The following DSCAM variants were observed in gnomAD, a reference collection of about 807,000 sequenced individuals.
The protein encoded by DSCAM is cell adhesion molecule DSCAM.
DSCAM carries 47 observed loss-of-function variants against 217.7 expected under a neutral mutation model. The ratio of observed to expected loss-of-function variants is 0.22; its 90% CI spans 0.17 to 0.28. DSCAM has a LOEUF of 0.28. DSCAM is among the 10% of genes least tolerant of loss of function. DSCAM has a pLI of 1.00. For missense variants in DSCAM, 2,080 were observed against 2,618.3 expected, an observed-to-expected ratio of 0.79 and a Z score of 4.49; for synonymous variants, 1,056 against 1,015.3, an observed-to-expected ratio of 1.04 and a Z score of -0.76.
At chr21:40,181,882 C>A (rs569842591) in intron 14 of DSCAM, among the ~76,000 whole-genome samples, 1 of 151,914 alleles carries the variant, frequency 6.6e-6, no homozygotes, top group Admixed American at 6.6e-5. Flanking sequence ...GAAGCATTCA[C>A]GAAAGAGTGG....
intron 1 of DSCAM, among the ~76,000 whole-genome samples, chr21:40,843,154 T>G (rs2092116108): frequency 6.6e-6 from 1 of 152,192 alleles, no homozygotes; most frequent in Non-Finnish European, 1.5e-5. Flanking sequence ...TGCTTCTAAT[T>G]AAATAAAATA....
chr21:40,478,826 A>G (rs2075959053), intron 3 of DSCAM, among the ~76,000 whole-genome samples: 1 of 152,204 alleles, frequency 6.6e-6, no homozygotes, highest in South Asian at 2.1e-4. Context: ...GTTTTTTTCT[A>G]TACATCCACA....
intron 11 of DSCAM, among the ~76,000 whole-genome samples, chr21:40,224,602 G>A (rs2091315424): frequency 6.6e-6 from 1 of 152,160 alleles, no homozygotes; most frequent in Non-Finnish European, 1.5e-5. Flanking sequence ...GTTGCAAAAA[G>A]AGAATTCAAT....
chr21:40,197,209 C>G (rs1468066883), intron 11 of DSCAM, among the ~76,000 whole-genome samples: 1 of 152,228 alleles, frequency 6.6e-6, no homozygotes, highest in East Asian at 1.9e-4. Context: ...AGCTCCGCCT[C>G]CCGGGTTCAC....
chr21:40,321,616 C>CTTTTTTTTTTTTTTTTTTTTTTTTTTTT (rs548006636), intron 8 of DSCAM, among the ~76,000 whole-genome samples: 1 of 136,564 alleles, frequency 7.3e-6, no homozygotes. Context: ...ACTGGTCATT[C>CTTTTTTTTTTTTTTTTTTTTTTTTTTTT]TTTTTTTTTT....
chr21:40,058,164 G>T (rs749677637), intron 28 of DSCAM, among the ~76,000 whole-genome samples: 1 of 152,004 alleles, frequency 6.6e-6, no homozygotes, highest in Admixed American at 6.6e-5. Context: ...GAGCCACTGC[G>T]CCTGGCCGGA....
chr21:40,107,902 T>G (rs1437586278), intron 20 of DSCAM, among the ~76,000 whole-genome samples: 2 of 152,172 alleles, frequency 1.3e-5, no homozygotes, highest in Non-Finnish European at 2.9e-5. Flanking sequence ...ATCCCTTTAT[T>G]TTGAGCCAAT....
chr21:40,592,121 C>T (rs1235168980), intron 3 of DSCAM, among the ~76,000 whole-genome samples: 1 of 152,010 alleles, frequency 6.6e-6, no homozygotes, highest in East Asian at 1.9e-4. Context: ...GCAGTAATAC[C>T]CCATTAAAGT....
At position 40,342,745 on chromosome 21, in the gene DSCAM, C is replaced by CTTTTTTTTT. The variant is rs1217476912; in HGVS notation, c.1211-3339_1211-3331dup. ...CTGGGACTGCAGGTGCACACCACGC[C>CTTTTTTTTT]TTTTTTTTTTTTTTTTTTTTTTGTA... On this transcript the variant is annotated intron_variant, in intron 6 of 32. Transcript: ENST00000400454. Among the ~76,000 whole-genome samples, 26 of 67,148 alleles carry CTTTTTTTTT rather than the reference C, an allele frequency of 3.9e-4. 2 individuals carry two copies. The highest frequency in any genetic ancestry group is 1.2e-3 in the African/African-American group (17 of 14,428). 44.1% of individuals were successfully genotyped at this position (67,148 alleles called of 152,430 possible).
intron 9 of DSCAM, among the ~76,000 whole-genome samples, chr21:40,311,386 G>A (rs1157814168): frequency 6.6e-6 from 1 of 152,190 alleles, no homozygotes; most frequent in African/African-American, 2.4e-5. Context: ...TGAAGAGTGT[G>A]AGCCTTAATG....
chr21:40,113,610 G>A (rs1328012946), intron 20 of DSCAM, among the ~76,000 whole-genome samples: 1 of 152,082 alleles, frequency 6.6e-6, no homozygotes, highest in Non-Finnish European at 1.5e-5. Context: ...TAGGAAAAGA[G>A]GAAGTCAAAT....
intron 3 of DSCAM, among the ~76,000 whole-genome samples, chr21:40,444,324 G>C (rs374567187): frequency 2.6e-4 from 40 of 152,286 alleles, no homozygotes; most frequent in African/African-American, 8.7e-4. Flanking sequence ...CTGGAACAGA[G>C]GTTTTAAATG....
At chr21:40,436,973 A>G (rs978287314) in intron 3 of DSCAM, among the ~76,000 whole-genome samples, 4 of 152,324 alleles carry the variant, frequency 2.6e-5, no homozygotes, top group East Asian at 3.9e-4. Context: ...TTGGTTCTGC[A>G]TGTGAGTTAT....
At chr21:40,455,214 C>T (rs540908358) in intron 3 of DSCAM, among the ~76,000 whole-genome samples, 2 of 152,252 alleles carry the variant, frequency 1.3e-5, no homozygotes, top group Admixed American at 6.5e-5. Flanking sequence ...GAACATAATG[C>T]TCCACCAGAA....
At chr21:40,260,530 G>C (rs1264613011) in intron 11 of DSCAM, among the ~76,000 whole-genome samples, 1 of 152,194 alleles carries the variant, frequency 6.6e-6, no homozygotes, top group East Asian at 1.9e-4. Flanking sequence ...AACATGAGGA[G>C]TGAGGATGGT....
intron 1 of DSCAM, among the ~76,000 whole-genome samples, chr21:40,819,974 T>A (rs1040959743): frequency 2.0e-5 from 3 of 152,014 alleles, no homozygotes; most frequent in Admixed American, 6.6e-5. Flanking sequence ...AGGCAGGAAG[T>A]TGACAATTTA....
At chr21:40,295,724 G>C (rs74551801) in intron 10 of DSCAM, among the ~76,000 whole-genome samples, 2 of 152,178 alleles carry the variant, frequency 1.3e-5, no homozygotes, top group African/African-American at 4.8e-5. Context: ...CTTCATGTAC[G>C]AGTGTGCAGT....
chr21:40,052,797 C>T (rs770635206), intron 29 of DSCAM, among the ~76,000 whole-genome samples: 2 of 152,176 alleles, frequency 1.3e-5, no homozygotes, highest in African/African-American at 2.4e-5. Context: ...GCCGTGGGCA[C>T]TTGAAGGTGA....
chr21:40,052,346 T>C (rs981494122), intron 29 of DSCAM, among the ~76,000 whole-genome samples: 1 of 152,206 alleles, frequency 6.6e-6, no homozygotes, highest in Admixed American at 6.5e-5. Context: ...AGAAGAACCA[T>C]GACTATGCAG....
Sources: gnomAD v4.1 joint callset for allele counts (sites outside exome capture counted in the v4.1 genomes callset) on GRCh38, gnomAD v4.1.1 for gene constraint, MANE v1.5 for transcripts, NCBI Gene and HGNC (gene_info 2026-07-23, HGNC 2026-07-21) for gene names.